Variants in RBFOX1 observed in about 807,000 individuals in gnomAD.
RBFOX1 encodes RNA binding fox-1 homolog 1.
RBFOX1 carries 8 observed loss-of-function variants against 57.7 expected under a neutral mutation model. That is an observed-to-expected ratio of 0.14 (90% CI 0.08 to 0.25). The LOEUF is 0.25. Ranked by LOEUF, RBFOX1 falls within the 10% of genes least tolerant of loss-of-function variation. The probability of loss-of-function intolerance (pLI) is 1.00; values close to 1 mark genes in which losing one functional copy is unlikely to be tolerated. For synonymous variants in RBFOX1, 326 were observed against 222.4 expected (o/e 1.47, Z -4.15); for missense variants, 611 against 548.5 (o/e 1.11, Z -1.14).
chr16:7,292,647 G>GT (rs1440221813), intron 4 of RBFOX1, among the ~76,000 whole-genome samples: 4 of 151,598 alleles, frequency 2.6e-5, no homozygotes, highest in South Asian at 4.2e-4. Context: ...CCAAGCGAGA[G>GT]TTTTTTGTCT....
intron 3 of RBFOX1, among the ~76,000 whole-genome samples, chr16:5,804,304 G>C (rs914811384): frequency 6.6e-6 from 1 of 152,216 alleles, no homozygotes; most frequent in Non-Finnish European, 1.5e-5. Flanking sequence ...TGAATGAATA[G>C]ATGAATGGAT....
At chr16:6,627,524 A>G (rs2098326876) in intron 2 of RBFOX1, among the ~76,000 whole-genome samples, 1 of 152,202 alleles carries the variant, frequency 6.6e-6, no homozygotes, top group South Asian at 2.1e-4. Context: ...ACAGTGGAGG[A>G]TTTGAGTAAG....
chr16:7,046,237 G>GGTGTGTGTGTGTGT (rs34943266), intron 3 of RBFOX1, among the ~76,000 whole-genome samples: 42 of 146,694 alleles, frequency 2.9e-4, no homozygotes, highest in East Asian at 2.2e-3. Context: ...TAGGTAAAGG[G>GGTGTGTGTGTGTGT]GTGTGTGTGT....
At chr16:7,136,463 G>A (rs1422783301) in intron 4 of RBFOX1, among the ~76,000 whole-genome samples, 1 of 146,926 alleles carries the variant, frequency 6.8e-6, no homozygotes, top group Non-Finnish European at 1.5e-5. Context: ...CTGGAGGGCA[G>A]TGGTGCAATG....
chr16:7,318,685 A>G (rs1435282993), intron 4 of RBFOX1, among the ~76,000 whole-genome samples: 1 of 152,178 alleles, frequency 6.6e-6, no homozygotes, highest in Non-Finnish European at 1.5e-5. Flanking sequence ...TTTTAACAAA[A>G]AGGTACCTAG....
intron 3 of RBFOX1, among the ~76,000 whole-genome samples, chr16:6,855,702 C>G (rs79759007): frequency 0.032 from 4,855 of 151,554 alleles, 225 homozygotes; most frequent in East Asian, 0.19. Flanking sequence ...TCTCAGCGAT[C>G]GAAACCTTGA....
intron 2 of RBFOX1, among the ~76,000 whole-genome samples, chr16:6,470,268 C>G (rs1308497520): frequency 2.0e-5 from 3 of 152,124 alleles, no homozygotes; most frequent in African/African-American, 7.2e-5. Context: ...AACATTTGAT[C>G]CAGGCATTTT....
chr16:7,585,412 G>C (rs536343358), intron 6 of RBFOX1, among the ~76,000 whole-genome samples: 1 of 152,254 alleles, frequency 6.6e-6, no homozygotes, highest in African/African-American at 2.4e-5. Context: ...ACGTTTGTTG[G>C]CGTTTCCATT....
chr16:6,620,889 C>G (rs868246500), intron 2 of RBFOX1, among the ~76,000 whole-genome samples: 1 of 152,192 alleles, frequency 6.6e-6, no homozygotes, highest in Non-Finnish European at 1.5e-5. Flanking sequence ...TTTGATAGGA[C>G]TGCCTTAACA....
chr16:5,844,305 T>C (rs902961686), intron 3 of RBFOX1, among the ~76,000 whole-genome samples: 2 of 152,364 alleles, frequency 1.3e-5, no homozygotes, highest in Admixed American at 6.5e-5. Context: ...CAAGAAATGA[T>C]GCATGCTGCA....
At chr16:6,047,419 G>A (rs544943234) in intron 1 of RBFOX1, among the ~76,000 whole-genome samples, 1 of 152,212 alleles carries the variant, frequency 6.6e-6, no homozygotes, top group Non-Finnish European at 1.5e-5. Context: ...AGATTTCTCT[G>A]AAAAGCTCAT....
chr16:5,420,574 T>A (rs572911532), intron 1 of RBFOX1, among the ~76,000 whole-genome samples: 12 of 152,168 alleles, frequency 7.9e-5, no homozygotes, highest in Admixed American at 6.5e-4. Context: ...AGTGGTGCAA[T>A]CATGGCCCAC....
At chr16:5,888,926 C>G (rs148588582) in intron 4 of RBFOX1, among the ~76,000 whole-genome samples, 1 of 152,026 alleles carries the variant, frequency 6.6e-6, no homozygotes, top group Non-Finnish European at 1.5e-5. Flanking sequence ...ATAAACCTTC[C>G]TAGATACTGG....
At chr16:5,535,506 C>T (rs1597434248) in intron 2 of RBFOX1, among the ~76,000 whole-genome samples, 1 of 152,192 alleles carries the variant, frequency 6.6e-6, no homozygotes, top group African/African-American at 2.4e-5. Flanking sequence ...AAGGAGTTTA[C>T]AAATCCAGCT....
chr16:6,137,985 C>G (rs1358670010), intron 1 of RBFOX1, among the ~76,000 whole-genome samples: 1 of 152,162 alleles, frequency 6.6e-6, no homozygotes, highest in East Asian at 1.9e-4. Context: ...ATGTTAAGTA[C>G]CTTTTCCATC....
chr16:6,655,831 A>G (rs1211110347), intron 3 of RBFOX1, among the ~76,000 whole-genome samples: 3 of 152,196 alleles, frequency 2.0e-5, no homozygotes, highest in Non-Finnish European at 2.9e-5. Context: ...AGAGGTTTTC[A>G]GCTCTGATTG....
intron 4 of RBFOX1, among the ~76,000 whole-genome samples, chr16:7,404,028 C>CTATTTTA (rs2098291069): frequency 7.7e-6 from 1 of 129,964 alleles, no homozygotes; most frequent in Non-Finnish European, 1.6e-5. Flanking sequence ...ATTTCATTTC[C>CTATTTTA]TTTTATTTTA....
At chr16:6,628,615 G>A (rs1434898994) in intron 2 of RBFOX1, among the ~76,000 whole-genome samples, 1 of 152,072 alleles carries the variant, frequency 6.6e-6, no homozygotes, top group Non-Finnish European at 1.5e-5. Flanking sequence ...CCCTTCAGCA[G>A]GGTGTAAATC....
intron 3 of RBFOX1, among the ~76,000 whole-genome samples, chr16:5,693,766 C>G (rs180814770): frequency 6.6e-6 from 1 of 152,154 alleles, no homozygotes; most frequent in Non-Finnish European, 1.5e-5. Flanking sequence ...ATTCTTTTTG[C>G]GTGGAATTCC....
Sources: allele counts gnomAD v4.1 joint callset (sites outside exome capture counted in the v4.1 genomes callset), GRCh38; gene constraint gnomAD v4.1.1; transcripts MANE v1.5; gene names NCBI Gene and HGNC (gene_info 2026-07-23, HGNC 2026-07-21).